The following MYO5A variants were observed in gnomAD, a reference collection of about 807,000 sequenced individuals.
The protein encoded by MYO5A is myosin VA.
In MYO5A, 98 loss-of-function variants were observed where a neutral mutation model predicts 249.7. The observed-to-expected ratio is 0.39, with a 90% CI of 0.33 to 0.46. MYO5A has a LOEUF of 0.46. MYO5A is among the 20% of genes least tolerant of loss of function. The pLI, the probability that MYO5A is intolerant of heterozygous loss-of-function variation, is 0.98. For missense variants in MYO5A, 1,696 were observed against 2,308.8 expected (o/e 0.73, Z 5.44); for synonymous variants, 778 against 810.6 (o/e 0.96, Z 0.68).
At chr15:52,508,125 T>C (rs1595816391) in intron 1 of MYO5A, among the ~76,000 whole-genome samples, 1 of 152,300 alleles carries the variant, frequency 6.6e-6, no homozygotes, top group African/African-American at 2.4e-5. Context: ...TTTGTTCTCC[T>C]TGGTGTTTCT....
chr15:52,443,495 G>C (rs1442089357), intron 1 of MYO5A, among the ~76,000 whole-genome samples: 1 of 150,754 alleles, frequency 6.6e-6, no homozygotes, highest in African/African-American at 2.4e-5. Context: ...GGTAGATCAC[G>C]AGGTTAGGAG....
rs1362384157 is a variant in MYO5A at position 52,383,144 on chromosome 15, A to G, written c.1959T>C (p.Thr653=). 6.2e-7 allele frequency: 1 copy of G among 1,613,990 alleles called. No homozygotes were observed. The highest frequency in any genetic ancestry group is 8.5e-7 in the Non-Finnish European group (1 of 1,179,984). The change falls in exon 16 of 42, where the codon ACT becomes ACC. Residue 653 remains threonine (T), a synonymous_variant. Coordinates refer to ENST00000399233, the MANE Select transcript of MYO5A (RefSeq NM_001382347.1). ...TGATACAGCGCACATAGTGAGGGGT[A>G]GTGGCATTGAGTGTCTCCATAAGCA... The part of the protein sequence containing the change: ...LHLLMETLNA[T]TPHYVRCIKP...
chr15:52,410,524 A>G lies in MYO5A; in HGVS notation c.613-48T>C, dbSNP rs376992433. On this transcript the variant is annotated intron_variant, in intron 5 of 41. Transcript: ENST00000399233. ...AGATTTTAGAAGTGTAATTCATAAC[A>G]TGACATTTACAGAATCTGCTCAGAG... 184 of 1,541,868 alleles carry G rather than the reference A, an allele frequency of 1.2e-4. No individual in the cohort carries two copies. In the African/African-American group the frequency reaches 2.2e-3, roughly 19 times the overall value.
chr15:52,382,806 A>G (rs922551474), intron 16 of MYO5A, among the ~76,000 whole-genome samples: 1 of 152,202 alleles, frequency 6.6e-6, no homozygotes, highest in African/African-American at 2.4e-5. Flanking sequence ...AAAATCCCAG[A>G]GAGATCAATT....
At chr15:52,505,181 C>A (rs1003082575) in intron 1 of MYO5A, 3 of 759,992 alleles carry the variant, frequency 3.9e-6, no homozygotes, top group South Asian at 2.8e-5. Flanking sequence ...TCAGATACAG[C>A]CAAAGCCATG....
Position 52,425,530 on chromosome 15 carries a change from T to G in MYO5A, c.455+300A>C, listed in dbSNP as rs1242741064. ...GCGTGCCTCCACACCCGGCTAATTT[T>G]TGCATTTTTAGTAGAGGCGGGGTTT... On this transcript the variant is annotated intron_variant, in intron 4 of 41. Coordinates refer to ENST00000399233, the MANE Select transcript of MYO5A (RefSeq NM_001382347.1). 2.0e-5 allele frequency among the ~76,000 whole-genome samples: 3 copies of G among 152,296 alleles called. No homozygotes were observed. In the East Asian group the frequency reaches 5.8e-4, roughly 29 times the overall value.
intron 9 of MYO5A, among the ~76,000 whole-genome samples, chr15:52,399,358 T>C (rs986982830): frequency 1.4e-4 from 21 of 152,172 alleles, no homozygotes; most frequent in African/African-American, 5.1e-4. Context: ...AGTGTGGTGG[T>C]ACAATCGTAC....
chr15:52,519,141 A>C (rs1392208847), intron 1 of MYO5A, among the ~76,000 whole-genome samples: 2 of 152,226 alleles, frequency 1.3e-5, no homozygotes, highest in Non-Finnish European at 2.9e-5. Context: ...GAAATTGTGC[A>C]CAATTCTTAC....
intron 1 of MYO5A, among the ~76,000 whole-genome samples, chr15:52,450,078 G>A (rs1247785846): frequency 1.3e-5 from 2 of 152,112 alleles, no homozygotes; most frequent in African/African-American, 4.8e-5. Context: ...CCTGGTACTC[G>A]AGAGGCTTAG....
intron 1 of MYO5A, among the ~76,000 whole-genome samples, chr15:52,520,187 A>G (rs1199287982): frequency 6.6e-6 from 1 of 152,154 alleles, no homozygotes; most frequent in African/African-American, 2.4e-5. Context: ...GCATACATGG[A>G]CTGAGGGTAG....
At chr15:52,505,555 C>T (rs1313913402) in intron 1 of MYO5A, 4 of 1,567,104 alleles carry the variant, frequency 2.6e-6, no homozygotes, top group Non-Finnish European at 3.5e-6. Context: ...GGAAGAACGT[C>T]TTGCACAATA....
chr15:52,455,798 G>C (rs1300908224), intron 1 of MYO5A, among the ~76,000 whole-genome samples: 4 of 151,374 alleles, frequency 2.6e-5, no homozygotes, highest in African/African-American at 9.7e-5. Flanking sequence ...TCAACAAAGT[G>C]GTTACAGAAG....
In MYO5A at chr15:52,314,315, G is replaced by C. The variant is rs867135970; in HGVS notation, c.5410-112C>G. The C allele has an allele frequency of 3.4e-5, 27 of 787,336 alleles. No individual in the cohort carries two copies. In the African/African-American group the frequency reaches 3.6e-4, roughly 10 times the overall value. 48.8% of individuals were successfully genotyped at this position (787,336 alleles called of 1,614,324 possible). On this transcript the variant is annotated intron_variant, in intron 40 of 41. Coordinates refer to ENST00000399233, the MANE Select transcript of MYO5A (RefSeq NM_001382347.1). ...GCGTACAGATTTCAGTTCTACTCAG[G>C]GGTGGGCTGGGACCAGAAGGAAGGA... is the stretch of plus-strand genomic sequence containing the variant.
At chr15:52,316,815 G>A (rs2038043287) in intron 40 of MYO5A, among the ~76,000 whole-genome samples, 3 of 152,128 alleles carry the variant, frequency 2.0e-5, no homozygotes. Context: ...AACACTGTAA[G>A]TACTCAATAA....
chr15:52,453,640 C>T (rs570503569), intron 1 of MYO5A, among the ~76,000 whole-genome samples: 221 of 151,918 alleles, frequency 1.5e-3, no homozygotes, highest in African/African-American at 5.1e-3. Context: ...AGCAGGAACC[C>T]GTTAAGAGAT....
At chr15:52,339,679 A>C (rs1596312795) in intron 32 of MYO5A, among the ~76,000 whole-genome samples, 1 of 152,034 alleles carries the variant, frequency 6.6e-6, no homozygotes, top group Non-Finnish European at 1.5e-5. Context: ...CCTAACACAC[A>C]CCTCCCTGAC....
intron 1 of MYO5A, among the ~76,000 whole-genome samples, chr15:52,451,637 C>CATCT (rs2076022503): frequency 6.6e-6 from 1 of 152,178 alleles, no homozygotes; most frequent in Non-Finnish European, 1.5e-5. Context: ...CACCAAGGGC[C>CATCT]ATCTGCACTA....
intron 1 of MYO5A, among the ~76,000 whole-genome samples, chr15:52,527,776 T>G (rs768253122): frequency 1.3e-5 from 2 of 152,192 alleles, no homozygotes; most frequent in Non-Finnish European, 1.5e-5. Flanking sequence ...TGGACTTCAG[T>G]GACATTTGGA....
At chr15:52,314,066 A>T in intron 41 of MYO5A, 57 bp downstream of exon 41, 1 of 1,443,680 alleles carries the variant, frequency 6.9e-7, no homozygotes, top group Non-Finnish European at 9.7e-7. Flanking sequence ...ATAAATTACA[A>T]AATGTCCATT....
Sources: allele counts gnomAD v4.1 joint callset (sites outside exome capture counted in the v4.1 genomes callset), GRCh38; gene constraint gnomAD v4.1.1; transcripts MANE v1.5; gene names NCBI Gene and HGNC (gene_info 2026-07-23, HGNC 2026-07-21).